The following SEPTIN9 variants were observed in gnomAD, a reference collection of about 807,000 sequenced individuals.
SEPTIN9 encodes septin-9.
A neutral mutation model predicts 56.6 loss-of-function variants in SEPTIN9; 13 were observed. That is an observed-to-expected ratio of 0.23 (90% CI 0.15 to 0.37). The LOEUF (loss-of-function observed/expected upper bound fraction) is 0.37, where lower values mean the gene tolerates loss of function less well. Among genes scored for constraint, SEPTIN9 ranks in the 10% least tolerant of loss-of-function variants. SEPTIN9 has a pLI of 1.00. For synonymous variants in SEPTIN9, 332 were observed against 334.1 expected, an observed-to-expected ratio of 0.99 and a Z score of 0.07; for missense variants, 650 against 823.1, an observed-to-expected ratio of 0.79 and a Z score of 2.57.
Position 77,445,460 on chromosome 17 carries a change from C to G in SEPTIN9, c.722-36684C>G, listed in dbSNP as rs1451735372. 2.1e-6 allele frequency: 1 copy of G among 468,416 alleles called. No individual in the cohort carries two copies. The highest frequency in any genetic ancestry group is 7.0e-5 in the East Asian group (1 of 14,372). The allele number at this position is 468,416 out of a possible 1,614,324, so 29.0% of individuals were successfully genotyped here. On this transcript the variant is annotated intron_variant, in intron 3 of 11. Coordinates refer to ENST00000427177, the MANE Select transcript of SEPTIN9 (RefSeq NM_001113491.2). The surrounding 1 kb of genome is among the most constrained non-coding windows in gnomAD (Gnocchi z 4.7). Reference sequence around the variant, plus strand: ...GCTCACAACCTGGCTTGGTGGTGGCCGAGGAGCTTGGCAGGAGCAGAGTGC... The same window carrying G: ...GCTCACAACCTGGCTTGGTGGTGGCGGAGGAGCTTGGCAGGAGCAGAGTGC...
At chr17:77,409,823 G>T (rs1284718437) in intron 3 of SEPTIN9, among the ~76,000 whole-genome samples, 1 of 152,216 alleles carries the variant, frequency 6.6e-6, no homozygotes, top group Non-Finnish European at 1.5e-5. Flanking sequence ...TGGACAGAGG[G>T]CACATTCAGC....
At chr17:77,376,771 C>T (rs2034936652) in intron 2 of SEPTIN9, 1 of 152,244 alleles carries the variant, frequency 6.6e-6, no homozygotes, top group Admixed American at 6.5e-5. Flanking sequence ...GGAAGCCGTC[C>T]GTGGGCCTGT....
chr17:77,493,787 G>A (rs892417679), intron 10 of SEPTIN9, among the ~76,000 whole-genome samples: 163 of 54,994 alleles, frequency 3.0e-3, no homozygotes, highest in African/African-American at 0.011. Context: ...TTTTTTTTTT[G>A]TTTGAGACGG....
chr17:77,352,605 C>T (rs1011364745), intron 2 of SEPTIN9, among the ~76,000 whole-genome samples: 10 of 152,146 alleles, frequency 6.6e-5, no homozygotes, highest in African/African-American at 1.2e-4. Context: ...GCCTACCCCC[C>T]ACCTGGCCTT....
At chr17:77,401,949 C>A in intron 2 of SEPTIN9, 110 bp from the exon 3 acceptor site, 1 of 1,098,302 alleles carries the variant, frequency 9.1e-7, no homozygotes, top group Non-Finnish European at 1.3e-6. Context: ...AGACCCCCGG[C>A]CCTCACCGCC....
intron 2 of SEPTIN9, among the ~76,000 whole-genome samples, chr17:77,395,073 T>TG (rs59323435): frequency 0.087 from 12,632 of 144,594 alleles, 1,684 homozygotes; most frequent in African/African-American, 0.3. Context: ...TATGTGTGTG[T>TG]TTTTTTTTTT....
At chr17:77,474,205 C>G (rs1175678180) in intron 3 of SEPTIN9, among the ~76,000 whole-genome samples, 1 of 152,084 alleles carries the variant, frequency 6.6e-6, no homozygotes, top group Non-Finnish European at 1.5e-5. Flanking sequence ...GTAGATCTAC[C>G]TGGGAGCTTT....
intron 2 of SEPTIN9, among the ~76,000 whole-genome samples, chr17:77,345,386 A>G (rs1055584977): frequency 1.3e-5 from 2 of 152,244 alleles, no homozygotes; most frequent in Non-Finnish European, 2.9e-5. Flanking sequence ...GATGGAAAAG[A>G]AACCAAGAAC....
Position 77,443,208 on chromosome 17 carries a change from G to C in SEPTIN9, c.722-38936G>C, listed in dbSNP as rs75029876. Among the ~76,000 whole-genome samples, 1,280 of 152,178 alleles carry C rather than the reference G, an allele frequency of 8.4e-3. 14 individuals are homozygous for C. The highest frequency in any genetic ancestry group is 0.011 in the Non-Finnish European group (766 of 68,002). ...CCGATTGCTTTGTATTGAGTGTTGA[G>C]GATCCTGGTTTTGTATCAGCCATGA... On this transcript the variant is annotated intron_variant, in intron 3 of 11. Transcript: ENST00000427177.
At chr17:77,350,610 A>AGTGTGTGTGTGTGTGTGTGTGTGTGTGT (rs57851361) in intron 2 of SEPTIN9, among the ~76,000 whole-genome samples, 4 of 149,396 alleles carry the variant, frequency 2.7e-5, no homozygotes. Flanking sequence ...CCTCCAGTGC[A>AGTGTGTGTGTGTGTGTGTGTGTGTGTGT]GTGTGTGTGT....
At chr17:77,287,842 A>G in intron 1 of SEPTIN9, 5 of 1,007,028 alleles carry the variant, frequency 5.0e-6, no homozygotes, top group Non-Finnish European at 6.0e-6. Flanking sequence ...CCTCCAGGAC[A>G]GGAAACAGGA....
Position 77,330,386 on chromosome 17 carries a change from T to C in SEPTIN9, c.76+23189T>C, listed in dbSNP as rs2033302857. 6.6e-6 allele frequency among the ~76,000 whole-genome samples: 1 copy of C among 152,148 alleles called. No individual in the cohort carries two copies. The highest frequency in any genetic ancestry group is 1.5e-5 in the Non-Finnish European group (1 of 68,004). On this transcript the variant is annotated intron_variant, in intron 2 of 11. Coordinates refer to ENST00000427177, the MANE Select transcript of SEPTIN9 (RefSeq NM_001113491.2). The surrounding 1 kb of genome is among the most constrained non-coding windows in gnomAD (Gnocchi z 4.4). Reference sequence around the variant, plus strand: ...CAGGAGGTGGTGAGACAGGGACTCATTGATCATGGGACTGACACCCCCTCA... The same window carrying C: ...CAGGAGGTGGTGAGACAGGGACTCACTGATCATGGGACTGACACCCCCTCA...
intron 2 of SEPTIN9, chr17:77,322,686 G>A (rs2279973): frequency 1.3e-5 from 2 of 152,264 alleles, no homozygotes; most frequent in Non-Finnish European, 2.9e-5. Context: ...GGGTGGGAGC[G>A]GCACGGCCCC....
At chr17:77,452,945 A>T (rs1441780278) in intron 3 of SEPTIN9, among the ~76,000 whole-genome samples, 1 of 151,114 alleles carries the variant, frequency 6.6e-6, no homozygotes, top group African/African-American at 2.4e-5. Context: ...GATGTGGTCA[A>T]GGAAGGCCTG....
intron 2 of SEPTIN9, among the ~76,000 whole-genome samples, chr17:77,364,203 T>G (rs1393528073): frequency 2.0e-5 from 3 of 152,230 alleles, no homozygotes; most frequent in Non-Finnish European, 4.4e-5. Context: ...CCGCGCTTCC[T>G]GTCTGCCTCC....
At chr17:77,423,419 C>T (rs935440023) in intron 3 of SEPTIN9, among the ~76,000 whole-genome samples, 5 of 152,232 alleles carry the variant, frequency 3.3e-5, no homozygotes, top group East Asian at 3.8e-4. Flanking sequence ...GTTTAGGAAC[C>T]GGCGAGGCAT....
chr17:77,448,698 G>A (rs2037847334), intron 3 of SEPTIN9, among the ~76,000 whole-genome samples: 1 of 152,000 alleles, frequency 6.6e-6, no homozygotes, highest in Non-Finnish European at 1.5e-5. Flanking sequence ...ATGTTGAATT[G>A]ATAATATTTT....
chr17:77,308,307 A>G (rs2032350356), intron 2 of SEPTIN9, among the ~76,000 whole-genome samples: 1 of 152,218 alleles, frequency 6.6e-6, no homozygotes, highest in Non-Finnish European at 1.5e-5. Context: ...ACACAAATAG[A>G]GCGCCTGTGG....
rs1213221475 is a variant in SEPTIN9, at chr17:77,490,824, C to G, written c.1345C>G (p.Leu449Val). 1.3e-6 allele frequency: 2 copies of G among 1,592,726 alleles called. No individual in the cohort carries two copies. The highest frequency in any genetic ancestry group is 2.7e-5 in the African/African-American group (2 of 74,536). ...CCCTGTCATCGCCAAGGCGGACACA[C>G]TCACCCTGGAGGAGAGGGTCCACTT... Reference protein sequence around the residue: ...IVPVIAKADTLTLEERVHFKQ... With the variant: ...IVPVIAKADTVTLEERVHFKQ... Residue 449 changes from leucine to valine, a missense_variant, in exon 8 of 12, where the codon CTC becomes GTC. Leu to Val is a conservative substitution (Grantham distance 32). Around this residue, in one of 2 missense-constraint regions of SEPTIN9, gnomAD observed 333 missense variants for 494.0 expected, o/e 0.67. Coordinates refer to ENST00000427177, the MANE Select transcript of SEPTIN9 (RefSeq NM_001113491.2).
Sources: allele counts gnomAD v4.1 joint callset (sites outside exome capture counted in the v4.1 genomes callset), GRCh38; gene constraint gnomAD v4.1.1; regional missense constraint gnomAD v4.1.1; non-coding constraint Gnocchi (gnomAD v3.1); transcripts MANE v1.5; gene names NCBI Gene and HGNC (gene_info 2026-07-23, HGNC 2026-07-21).